The following NEO1 variants were observed in gnomAD, a reference collection of about 807,000 sequenced individuals.
The protein encoded by NEO1 is neogenin 1.
Under a neutral mutation model 159.7 loss-of-function variants are expected in NEO1, and 63 were observed. The observed-to-expected ratio is 0.39, with a 90% CI of 0.32 to 0.49. The LOEUF (loss-of-function observed/expected upper bound fraction) is 0.49, where lower values mean the gene tolerates loss of function less well. Ranked by LOEUF, NEO1 falls within the 20% of genes least tolerant of loss-of-function variation. The probability of loss-of-function intolerance (pLI) is 0.85; values close to 1 mark genes in which losing one functional copy is unlikely to be tolerated. For synonymous variants in NEO1, 633 were observed against 662.0 expected, an observed-to-expected ratio of 0.96 and a Z score of 0.67; for missense variants, 1,615 against 1,831.0, an observed-to-expected ratio of 0.88 and a Z score of 2.15.
In NEO1 at chr15:73,100,237, C is replaced by A. The variant is rs1035739533; in HGVS notation, c.131-16303C>A. ...CAGTCTCACATAGTCTCCAGTCGTTCCAGGTTCCTCACATTATAGCCGTGC... is the reference window on the plus strand; with the variant it reads ...CAGTCTCACATAGTCTCCAGTCGTTACAGGTTCCTCACATTATAGCCGTGC... On this transcript the variant is annotated intron_variant, in intron 1 of 28. Transcript: ENST00000261908. Among the ~76,000 whole-genome samples the A allele has an allele frequency of 3.9e-5, 6 of 152,148 alleles. No homozygotes were observed. In the South Asian group the frequency reaches 1.0e-3, roughly 26 times the overall value.
chr15:73,083,167 C>T (rs2069161672), intron 1 of NEO1, among the ~76,000 whole-genome samples: 1 of 152,106 alleles, frequency 6.6e-6, no homozygotes, highest in African/African-American at 2.4e-5. Context: ...TAAGCAGTGT[C>T]AGATCAGATT....
chr15:73,291,690 G>A (rs2151140815), intron 25 of NEO1, among the ~76,000 whole-genome samples: 1 of 152,308 alleles, frequency 6.6e-6, no homozygotes, highest in South Asian at 2.1e-4. Context: ...GCCATGCACT[G>A]AAGCAACAAG....
At chr15:73,115,555 T>G (rs1198751163) in intron 1 of NEO1, among the ~76,000 whole-genome samples, 1 of 151,844 alleles carries the variant, frequency 6.6e-6, no homozygotes, top group African/African-American at 2.4e-5. Context: ...GCAAATAAAT[T>G]ATAAAGAAGT....
intron 1 of NEO1, among the ~76,000 whole-genome samples, chr15:73,113,448 T>C (rs990601322): frequency 1.3e-5 from 2 of 152,142 alleles, no homozygotes; most frequent in Non-Finnish European, 2.9e-5. Context: ...TAAGCCTGCA[T>C]TTCCCAAACT....
intron 1 of NEO1, among the ~76,000 whole-genome samples, chr15:73,061,666 A>G (rs1200143617): frequency 1.3e-5 from 2 of 152,234 alleles, no homozygotes; most frequent in Admixed American, 6.5e-5. Context: ...AGTTCATACT[A>G]TGTAAAATAA....
chr15:73,282,324 A>G (rs920031157), intron 22 of NEO1, among the ~76,000 whole-genome samples: 3 of 152,204 alleles, frequency 2.0e-5, no homozygotes, highest in African/African-American at 4.8e-5. Context: ...AAACGTTCAC[A>G]TCTTTGTTGT....
intron 1 of NEO1, among the ~76,000 whole-genome samples, chr15:73,070,024 G>T (rs2068457733): frequency 6.6e-6 from 1 of 152,158 alleles, no homozygotes; most frequent in South Asian, 2.1e-4. Context: ...AAAATGGCTA[G>T]CTTCAATATG....
intron 16 of NEO1, among the ~76,000 whole-genome samples, chr15:73,266,791 C>T (rs1358703830): frequency 6.6e-6 from 1 of 152,078 alleles, no homozygotes; most frequent in Admixed American, 6.5e-5. Context: ...GCATGCGATT[C>T]GTGAACCCAA....
Position 73,264,302 on chromosome 15 carries a change from G to A in NEO1, c.2399-2014G>A, listed in dbSNP as rs890827875. On this transcript the variant is annotated intron_variant, in intron 15 of 28. Coordinates refer to ENST00000261908, the MANE Select transcript of NEO1 (RefSeq NM_002499.4). ...AGGACATGGTCCTTGATCTTCAGGT[G>A]CTTTCAGTCTAACAGAACAAAAAGA... is the stretch of plus-strand genomic sequence containing the variant. 2.0e-5 allele frequency among the ~76,000 whole-genome samples: 3 copies of A among 152,190 alleles called. No individual in the cohort carries two copies. In the South Asian group the frequency reaches 6.2e-4, roughly 32 times the overall value.
intron 1 of NEO1, among the ~76,000 whole-genome samples, chr15:73,099,810 C>T (rs2070295662): frequency 6.6e-6 from 1 of 152,202 alleles, no homozygotes; most frequent in Admixed American, 6.5e-5. Flanking sequence ...TTTAGAGCAA[C>T]ATCAGCTCTC....
At chr15:73,138,255 G>C (rs1435460241) in intron 5 of NEO1, among the ~76,000 whole-genome samples, 1 of 152,174 alleles carries the variant, frequency 6.6e-6, no homozygotes, top group African/African-American at 2.4e-5. Flanking sequence ...GAGAAATCTG[G>C]TATCGGGAGG....
chr15:73,244,614 G>A, intron 9 of NEO1, 116 bp downstream of exon 9: 1 of 1,185,516 alleles, frequency 8.4e-7, no homozygotes, highest in Non-Finnish European at 1.1e-6. Flanking sequence ...TTACTTTCGG[G>A]GTCCTTATCA....
intron 18 of NEO1, among the ~76,000 whole-genome samples, chr15:73,271,811 G>A (rs1297493019): frequency 6.6e-6 from 1 of 151,136 alleles, no homozygotes; most frequent in East Asian, 1.9e-4. Context: ...GTAGGCTAAG[G>A]CACGAGAATC....
At chr15:73,194,785 T>G (rs1003912091) in intron 7 of NEO1, among the ~76,000 whole-genome samples, 6 of 152,178 alleles carry the variant, frequency 3.9e-5, no homozygotes, top group African/African-American at 1.4e-4. Context: ...TGGCACAAGA[T>G]TTATGATTTA....
chr15:73,187,987 G>A (rs1377888865), intron 7 of NEO1, among the ~76,000 whole-genome samples: 1 of 152,198 alleles, frequency 6.6e-6, no homozygotes, highest in Non-Finnish European at 1.5e-5. Flanking sequence ...CCTTCAGGCT[G>A]CCCAAGCGTC....
intron 5 of NEO1, among the ~76,000 whole-genome samples, chr15:73,170,009 T>G (rs1276653586): frequency 6.6e-6 from 1 of 152,008 alleles, no homozygotes; most frequent in East Asian, 1.9e-4. Flanking sequence ...TCTTTATAGA[T>G]TTAAAAATTT....
chr15:73,290,787 A>C (rs2151135920), intron 25 of NEO1, among the ~76,000 whole-genome samples: 1 of 152,260 alleles, frequency 6.6e-6, no homozygotes, highest in Middle Eastern at 3.4e-3. Context: ...GCCATCTGTC[A>C]ACAAACGATG....
intron 7 of NEO1, among the ~76,000 whole-genome samples, chr15:73,181,435 A>G (rs1596277944): frequency 6.6e-6 from 1 of 152,216 alleles, no homozygotes; most frequent in Non-Finnish European, 1.5e-5. Flanking sequence ...ATTGCTATAA[A>G]GAAATACGTG....
At chr15:73,264,619 T>C (rs1330533987) in intron 15 of NEO1, among the ~76,000 whole-genome samples, 1 of 152,222 alleles carries the variant, frequency 6.6e-6, no homozygotes, top group Non-Finnish European at 1.5e-5. Flanking sequence ...CTAAGATGCC[T>C]ATGATGTTGA....
Sources: allele counts gnomAD v4.1 joint callset (sites outside exome capture counted in the v4.1 genomes callset), GRCh38; gene constraint gnomAD v4.1.1; transcripts MANE v1.5; gene names NCBI Gene and HGNC (gene_info 2026-07-23, HGNC 2026-07-21).